The following CSMD1 variants were observed in gnomAD, a reference collection of about 807,000 sequenced individuals.
CSMD1 encodes CUB and Sushi multiple domains 1.
In CSMD1, 213 loss-of-function variants were observed where a neutral mutation model predicts 417.5. That is an observed-to-expected ratio of 0.51 (90% CI 0.46 to 0.57). The LOEUF is 0.57. CSMD1 is among the 20% of genes least tolerant of loss of function. The probability of loss-of-function intolerance (pLI) is 0.00; values close to 1 mark genes in which losing one functional copy is unlikely to be tolerated. For missense variants in CSMD1, 6,923 were observed against 4,529.7 expected (o/e 1.53, Z -15.17); for synonymous variants, 2,862 against 1,736.8 (o/e 1.65, Z -16.11).
intron 3 of CSMD1, among the ~76,000 whole-genome samples, chr8:4,161,561 T>C (rs1047907418): frequency 1.3e-5 from 2 of 152,178 alleles, no homozygotes; most frequent in African/African-American, 4.8e-5. Context: ...CTTGACATTG[T>C]TTTGGACAGA....
chr8:3,949,551 T>A (rs1027708436), intron 5 of CSMD1, among the ~76,000 whole-genome samples: 2 of 152,120 alleles, frequency 1.3e-5, no homozygotes, highest in African/African-American at 4.8e-5. Context: ...GTGTCTAATT[T>A]GGGGTTATTT....
intron 3 of CSMD1, among the ~76,000 whole-genome samples, chr8:4,391,129 G>T (rs1426503744): frequency 1.3e-5 from 2 of 152,130 alleles, no homozygotes; most frequent in African/African-American, 4.8e-5. Flanking sequence ...GTTTCTCTAG[G>T]GACCCAGATA....
At chr8:4,665,681 G>T (rs1257524420) in intron 1 of CSMD1, among the ~76,000 whole-genome samples, 1 of 152,166 alleles carries the variant, frequency 6.6e-6, no homozygotes, top group Non-Finnish European at 1.5e-5. Context: ...CCACGCTGTT[G>T]CATGGATCCA....
intron 28 of CSMD1, among the ~76,000 whole-genome samples, chr8:3,222,319 T>C (rs944527330): frequency 5.0e-5 from 7 of 138,722 alleles, no homozygotes; most frequent in African/African-American, 1.9e-4. Flanking sequence ...GTGTTCAATT[T>C]CATTTTTTTT....
chr8:3,677,436 G>C (rs1275903613), intron 7 of CSMD1, among the ~76,000 whole-genome samples: 2 of 152,196 alleles, frequency 1.3e-5, no homozygotes, highest in East Asian at 3.9e-4. Flanking sequence ...TGATCCCACA[G>C]TACAGGTTGT....
chr8:4,307,804 C>T (rs759891107), intron 3 of CSMD1, among the ~76,000 whole-genome samples: 1 of 152,146 alleles, frequency 6.6e-6, no homozygotes, highest in Non-Finnish European at 1.5e-5. Flanking sequence ...CTCTACACTA[C>T]AGTCTGAAAA....
chr8:4,153,233 G>C (rs151107698), intron 3 of CSMD1, among the ~76,000 whole-genome samples: 1 of 152,174 alleles, frequency 6.6e-6, no homozygotes, highest in East Asian at 1.9e-4. Flanking sequence ...AGGGGAGCTG[G>C]AGAGTATGCC....
chr8:4,848,718 T>G (rs1301498213), intron 1 of CSMD1, among the ~76,000 whole-genome samples: 1 of 152,230 alleles, frequency 6.6e-6, no homozygotes, highest in African/African-American at 2.4e-5. Flanking sequence ...TTTTGTATAT[T>G]TTTATAGTAG....
chr8:4,927,926 T>C (rs574382434), intron 1 of CSMD1, among the ~76,000 whole-genome samples: 1 of 152,152 alleles, frequency 6.6e-6, no homozygotes. Context: ...ATGAAAATCA[T>C]TTTCTAAGTG....
At chr8:4,359,785 C>T (rs1038537217) in intron 3 of CSMD1, among the ~76,000 whole-genome samples, 9 of 152,168 alleles carry the variant, frequency 5.9e-5, no homozygotes, top group South Asian at 4.1e-4. Flanking sequence ...TGGTAAAGAA[C>T]GCACAATGAG....
At chr8:3,046,549 T>C (rs911480834) in intron 50 of CSMD1, among the ~76,000 whole-genome samples, 2 of 152,176 alleles carry the variant, frequency 1.3e-5, no homozygotes, top group African/African-American at 4.8e-5. Flanking sequence ...AGGTGAATAC[T>C]GAACTATCTC....
intron 5 of CSMD1, among the ~76,000 whole-genome samples, chr8:3,975,064 A>T (rs1401959893): frequency 6.6e-6 from 1 of 152,230 alleles, no homozygotes; most frequent in Non-Finnish European, 1.5e-5. Flanking sequence ...ATACATCTGT[A>T]CACTGAAGTT....
chr8:4,055,334 G>T (rs899782360), intron 3 of CSMD1, among the ~76,000 whole-genome samples: 4 of 151,914 alleles, frequency 2.6e-5, no homozygotes, highest in South Asian at 2.1e-4. Flanking sequence ...AATTTTTATA[G>T]ATTACAAAAA....
At chr8:3,064,944 A>G (rs1186337358) in intron 49 of CSMD1, among the ~76,000 whole-genome samples, 1 of 152,114 alleles carries the variant, frequency 6.6e-6, no homozygotes, top group African/African-American at 2.4e-5. Context: ...AGAAAATTAG[A>G]GAACAAAACT....
intron 3 of CSMD1, among the ~76,000 whole-genome samples, chr8:4,380,559 G>C (rs1219034693): frequency 6.6e-6 from 1 of 152,158 alleles, no homozygotes; most frequent in African/African-American, 2.4e-5. Flanking sequence ...CATGAGGTTT[G>C]GGATGGGACC....
intron 56 of CSMD1, among the ~76,000 whole-genome samples, chr8:2,973,533 G>A (rs1293040679): frequency 6.6e-6 from 1 of 152,144 alleles, no homozygotes; most frequent in Non-Finnish European, 1.5e-5. Context: ...TTCAAATATG[G>A]TTGTGAGAAT....
chr8:2,962,896 A>G (rs1803623721), intron 60 of CSMD1, among the ~76,000 whole-genome samples: 2 of 152,090 alleles, frequency 1.3e-5, no homozygotes, highest in Non-Finnish European at 2.9e-5. Flanking sequence ...ACAAATACAA[A>G]AATTAGCTGG....
intron 2 of CSMD1, among the ~76,000 whole-genome samples, chr8:4,445,963 C>T (rs143584368): frequency 2.2e-3 from 329 of 152,196 alleles, no homozygotes; most frequent in South Asian, 2.7e-3. Context: ...TTGAGGTAGA[C>T]GAAAGGATAG....
chr8:3,302,294 T>A (rs962642032), intron 25 of CSMD1, among the ~76,000 whole-genome samples: 4 of 152,160 alleles, frequency 2.6e-5, no homozygotes, highest in African/African-American at 9.7e-5. Flanking sequence ...CTTTAATGTT[T>A]TTTTCTGGAG....
Sources: allele counts gnomAD v4.1 joint callset (sites outside exome capture counted in the v4.1 genomes callset), GRCh38; gene constraint gnomAD v4.1.1; transcripts MANE v1.5; gene names NCBI Gene and HGNC (gene_info 2026-07-23, HGNC 2026-07-21).